Variants in JCHAIN observed in about 807,000 individuals in gnomAD.
The protein encoded by JCHAIN is joining chain of multimeric IgA and IgM, also known as immunoglobulin J chain.
JCHAIN carries 5 observed loss-of-function variants against 11.1 expected under a neutral mutation model. That is an observed-to-expected ratio of 0.45 (90% CI 0.24 to 0.95). The LOEUF (loss-of-function observed/expected upper bound fraction) is 0.95, where lower values mean the gene tolerates loss of function less well. Ranked by LOEUF, JCHAIN falls within the 40% of genes least tolerant of loss-of-function variation. The pLI is 0.21. For synonymous variants in JCHAIN, 51 were observed against 67.8 expected (o/e 0.75, Z 1.22); for missense variants, 165 against 192.7 (o/e 0.86, Z 0.85).
rs1738931377 is a variant in JCHAIN at position 70,655,571 on chromosome 4, C to G, written c.*758G>C. Reference sequence around the variant, plus strand: ...TTATGAATCTATTTAATTGCTCAGACTGTGCTAGAGAATACGTACCATGAA... The same window carrying G: ...TTATGAATCTATTTAATTGCTCAGAGTGTGCTAGAGAATACGTACCATGAA... On this transcript the variant is annotated 3_prime_UTR_variant, in exon 4 of 4. Coordinates refer to ENST00000254801, the MANE Select transcript of JCHAIN (RefSeq NM_144646.4). 6.6e-6 allele frequency: 1 copy of G among 152,136 alleles called. No individual in the cohort carries two copies. The highest frequency in any genetic ancestry group is 2.1e-4 in the South Asian group (1 of 4,822). The allele number at this position is 152,136 out of a possible 1,614,324, so 9.4% of individuals were successfully genotyped here. A position where few individuals can be genotyped will look rare whatever the true frequency, so the allele number is the denominator to read the frequency against.
At chr4:70,659,251 A>C in intron 2 of JCHAIN, among the ~76,000 whole-genome samples, 1 of 152,146 alleles carries the variant, frequency 6.6e-6, no homozygotes, top group Non-Finnish European at 1.5e-5. Flanking sequence ...GGAGTTGGGA[A>C]TAATACCATA....
At chr4:70,661,877 C>A (rs73824849) in intron 2 of JCHAIN, among the ~76,000 whole-genome samples, 3,080 of 152,176 alleles carry the variant, frequency 0.02, 91 homozygotes, top group African/African-American at 0.064. Flanking sequence ...TTGATGTAGC[C>A]CACTGATTTT....
chr4:70,662,103 G>C lies in JCHAIN; in HGVS notation c.177C>G (p.Asn59Lys), dbSNP rs1347542133. 6.2e-7 allele frequency: 1 copy of C among 1,613,716 alleles called. No individual in the cohort carries two copies. The highest frequency in any genetic ancestry group is 1.1e-5 in the South Asian group (1 of 91,040). Residue 59 changes from asparagine to lysine, a missense_variant, in exon 2 of 4, where the codon AAC (asparagine) becomes AAG (lysine). Transcript: ENST00000254801. The part of the protein sequence containing the change: ...EDPNEDIVER[N>K]IRIIVPLNNR... The stretch of plus-strand genomic sequence containing the variant: ...GGAATGCCACATACATAATTCGGAT[G>C]TTTCTCTCCACAATGTCCTCATTAG...
chr4:70,661,999 G>T, intron 2 of JCHAIN, 93 bp downstream of exon 2: 1 of 1,243,110 alleles, frequency 8.0e-7, no homozygotes, highest in Non-Finnish European at 1.2e-6. Context: ...AAAAAGGGGA[G>T]TAAAGAGGCA....
chr4:70,656,207 C>T lies in JCHAIN; in HGVS notation c.*122G>A, dbSNP rs1181584721. 1 of 666,110 alleles carries T rather than the reference C, an allele frequency of 1.5e-6. No homozygotes were observed. The highest frequency in any genetic ancestry group is 2.0e-5 in the South Asian group (1 of 49,778). The allele number at this position is 666,110 out of a possible 1,614,324, so 41.3% of individuals were successfully genotyped here. The stretch of plus-strand genomic sequence containing the variant: ...TTTTGGTGGCAGGGAGTTGGTTTTA[C>T]ATCACCCAAAAAAAAAAAAAAGCCC... On this transcript the variant is annotated 3_prime_UTR_variant, in exon 4 of 4. Transcript: ENST00000254801.
At chr4:70,662,006 G>A (rs1455130064) in intron 2 of JCHAIN, 86 bp downstream of exon 2, 9 of 1,290,362 alleles carry the variant, frequency 7.0e-6, no homozygotes, top group Non-Finnish European at 1.0e-5. Flanking sequence ...GGAGTAAAGA[G>A]GCAGGTGTTA....
intron 2 of JCHAIN, among the ~76,000 whole-genome samples, chr4:70,659,208 C>T (rs1739008784): frequency 1.3e-5 from 2 of 152,030 alleles, no homozygotes; most frequent in Admixed American, 6.6e-5. Context: ...AGTTAAGTAA[C>T]TTGCCCAAAG....
At chr4:70,661,171 G>A (rs1434385606) in intron 2 of JCHAIN, among the ~76,000 whole-genome samples, 4 of 152,164 alleles carry the variant, frequency 2.6e-5, no homozygotes, top group African/African-American at 9.7e-5. Flanking sequence ...AACTATTAAG[G>A]TAGGAGTGGT....
chr4:70,660,627 ACCCGCCTCGGCCT>A (rs1739036473), intron 2 of JCHAIN, among the ~76,000 whole-genome samples: 1 of 151,632 alleles, frequency 6.6e-6, no homozygotes, highest in South Asian at 2.1e-4. Context: ...CAGGTGATCC[ACCCGCCTCGGCCT>A]CCCAAAGTGC....
Position 70,655,853 on chromosome 4 carries a change from T to C in JCHAIN, c.*476A>G, listed in dbSNP as rs1738938535. 1 of 152,222 alleles carries C rather than the reference T, an allele frequency of 6.6e-6. No homozygotes were observed. Among genetic ancestry groups the C allele is most frequent in the South Asian group, 2.1e-4 (1 of 4,828 alleles). 9.4% of individuals were successfully genotyped at this position (152,222 alleles called of 1,614,324 possible). On this transcript the variant is annotated 3_prime_UTR_variant, in exon 4 of 4. Coordinates refer to ENST00000254801, the MANE Select transcript of JCHAIN (RefSeq NM_144646.4). ...AATGGAGACATATAATTGACCTATG[T>C]TTATGCATATATGTTCTCTACACAG...
rs142822125 is a variant in JCHAIN at position 70,658,651 on chromosome 4, G to A, written c.189-1360C>T. On this transcript the variant is annotated intron_variant, in intron 2 of 3. Transcript: ENST00000254801. ...CTGTTTCCTTTTCCTGGAATGACCT[G>A]CCCCACCTATTAATTCTCTCACTCC... Among the ~76,000 whole-genome samples, 360 of 152,120 alleles carry A rather than the reference G, an allele frequency of 2.4e-3. 2 individuals carry two copies. Among genetic ancestry groups the A allele is most frequent in the African/African-American group, 8.2e-3 (342 of 41,512 alleles).
chr4:70,662,302 A>G lies in JCHAIN; in HGVS notation c.65-87T>C, dbSNP rs1474546069. On this transcript the variant is annotated intron_variant, in intron 1 of 3. Coordinates refer to ENST00000254801, the MANE Select transcript of JCHAIN (RefSeq NM_144646.4). ...GAGTTATTTTATCTTTCTTGCCTGC[A>G]GAAAAATAGTTTTATGGTTGGTTTG... 3.3e-6 allele frequency: 4 copies of G among 1,210,644 alleles called. No individual in the cohort carries two copies. The African/African-American group carries it at 4.6e-5, about 14-fold the overall frequency. 75.0% of individuals were successfully genotyped at this position (1,210,644 alleles called of 1,614,324 possible). A position where few individuals can be genotyped will look rare whatever the true frequency, so the allele number is the denominator to read the frequency against.
chr4:70,657,385 G>T, intron 2 of JCHAIN, 94 bp from the exon 3 acceptor site: 1 of 710,188 alleles, frequency 1.4e-6, no homozygotes, highest in Non-Finnish European at 2.5e-6. Context: ...CATCAGAACA[G>T]TACTTATTGT....
chr4:70,661,139 A>G (rs1487550580), intron 2 of JCHAIN, among the ~76,000 whole-genome samples: 3 of 152,212 alleles, frequency 2.0e-5, no homozygotes, highest in African/African-American at 7.2e-5. Flanking sequence ...TTCTCTTTCT[A>G]TAGGAGATTT....
intron 2 of JCHAIN, among the ~76,000 whole-genome samples, chr4:70,658,477 A>G (rs1412264916): frequency 6.6e-6 from 1 of 152,198 alleles, no homozygotes; most frequent in Non-Finnish European, 1.5e-5. Flanking sequence ...GCCAGCTGTA[A>G]ACAATCACTT....
Position 70,657,177 on chromosome 4 carries a change from C to T in JCHAIN, c.269+34G>A, listed in dbSNP as rs533905418. 1.7e-4 allele frequency: 196 copies of T among 1,145,206 alleles called. 1 individual carries two copies. The South Asian group carries it at 2.3e-3, about 13-fold the overall frequency. 70.9% of individuals were successfully genotyped at this position (1,145,206 alleles called of 1,614,324 possible). On this transcript the variant is annotated intron_variant, in intron 3 of 3. Transcript: ENST00000254801. Reference sequence around the variant, plus strand: ...TAAAATTAAAAGCTATTAACTTCCACATCTATATTACTATGGAAAAAAATA... The same window carrying T: ...TAAAATTAAAAGCTATTAACTTCCATATCTATATTACTATGGAAAAAAATA...
chr4:70,662,263 A>G (rs964692014), intron 1 of JCHAIN, 48 bp from the exon 2 acceptor site: 1 of 1,547,042 alleles, frequency 6.5e-7, no homozygotes, highest in South Asian at 1.1e-5. Context: ...AGGTCAATTT[A>G]TATATTTTGT....
intron 1 of JCHAIN, 114 bp from the exon 2 acceptor site, chr4:70,662,329 C>A: frequency 1.2e-6 from 1 of 857,956 alleles, no homozygotes; most frequent in Admixed American, 2.7e-5. Flanking sequence ...GTTGGTTTGT[C>A]TCAGCTTTCT....
intron 2 of JCHAIN, among the ~76,000 whole-genome samples, chr4:70,659,128 C>T (rs2090230572): frequency 6.6e-6 from 1 of 152,144 alleles, no homozygotes. Flanking sequence ...CCTCACAACC[C>T]TATAAAGTAT....
Sources: allele counts gnomAD v4.1 joint callset (sites outside exome capture counted in the v4.1 genomes callset), GRCh38; gene constraint gnomAD v4.1.1; transcripts MANE v1.5; gene names NCBI Gene and HGNC (gene_info 2026-07-23, HGNC 2026-07-21).